KDR: variants seen among roughly 807,000 people sequenced by gnomAD.
KDR encodes kinase insert domain receptor.
A neutral mutation model predicts 160.9 loss-of-function variants in KDR; 43 were observed. That is an observed-to-expected ratio of 0.27 (90% CI 0.21 to 0.34). KDR has a LOEUF of 0.34. Among genes scored for constraint, KDR ranks in the 10% least tolerant of loss-of-function variants. KDR has a pLI of 1.00. For missense variants in KDR, 1,469 were observed against 1,666.4 expected, an observed-to-expected ratio of 0.88 and a Z score of 2.06; for synonymous variants, 617 against 600.1, an observed-to-expected ratio of 1.03 and a Z score of -0.41.
chr4:55,096,546 G>C, intron 18 of KDR: 1 of 579,626 alleles, frequency 1.7e-6, no homozygotes, highest in Non-Finnish European at 3.1e-6. Context: ...TTTTAAGTGA[G>C]CCAGAAAGTT....
chr4:55,089,570 A>ATTT, intron 24 of KDR, 97 bp from the exon 25 acceptor site: 9 of 1,211,410 alleles, frequency 7.4e-6, no homozygotes, highest in East Asian at 2.5e-5. Context: ...CTATGTATCT[A>ATTT]TTTTTTTTTT....
intron 28 of KDR, among the ~76,000 whole-genome samples, 156 bp downstream of exon 28, chr4:55,082,380 A>C (rs1719756589): frequency 5.3e-5 from 8 of 152,208 alleles, no homozygotes; most frequent in Non-Finnish European, 1.5e-5. Flanking sequence ...TTATGAAAAA[A>C]ACAAAGTTCC....
chr4:55,097,753 G>A lies in KDR; in HGVS notation c.2523C>T (p.Gly841=), dbSNP rs749024047. ...CAATCACTTGGCCAAAGGCACCACGGCCAAGAGGCTTACCTAGAGTCAACA... is the reference window on the plus strand; with the variant it reads ...CAATCACTTGGCCAAAGGCACCACGACCAAGAGGCTTACCTAGAGTCAACA... ...RDRLKLGKPL[G]RGAFGQVIEA... is the part of the protein sequence containing the mutation. Residue 841 remains glycine (G), a synonymous_variant, in exon 18 of 30, where the codon GGC becomes GGT. Transcript: ENST00000263923. 1.2e-6 allele frequency: 2 copies of A among 1,612,048 alleles called. No individual in the cohort carries two copies. Among genetic ancestry groups the A allele is most frequent in the South Asian group, 2.2e-5 (2 of 90,986 alleles).
At chr4:55,102,072 GT>G (rs776394466) in intron 14 of KDR, 44 bp from the exon 15 acceptor site, 2 of 1,612,528 alleles carry the variant, frequency 1.2e-6, no homozygotes, top group Non-Finnish European at 8.5e-7. Context: ...TGATGATGTA[GT>G]CTGTGAAGTT....
intron 27 of KDR, among the ~76,000 whole-genome samples, chr4:55,085,895 T>C (rs1480894510): frequency 6.6e-6 from 1 of 152,214 alleles, no homozygotes; most frequent in East Asian, 1.9e-4. Context: ...ACATGATTTC[T>C]TCTCCTGCTC....
intron 29 of KDR, 28 bp from the exon 30 acceptor site, chr4:55,080,191 T>G (rs765220663): frequency 1.9e-6 from 3 of 1,600,152 alleles, no homozygotes; most frequent in Non-Finnish European, 1.7e-6. Context: ...AACAAAGGAG[T>G]TGGCAGAGAG....
At chr4:55,086,634 T>G (rs1719872504) in intron 27 of KDR, among the ~76,000 whole-genome samples, 1 of 152,266 alleles carries the variant, frequency 6.6e-6, no homozygotes, top group African/African-American at 2.4e-5. Flanking sequence ...TTGACTTCAA[T>G]GGAACGGTCA....
rs779652851 is a variant in KDR at position 55,114,903 on chromosome 4, T to C, written c.629A>G (p.Gln210Arg). ...CEAKINDESY[Q>R]SIMYIVVVVG... is the part of the protein sequence containing the mutation. ...AACGACAACTATGTACATAATAGAC[T>C]GGTAACTTTCATCATTAATTTTTGC... The change falls in exon 5 of 30, where the codon CAG (glutamine) becomes CGG (arginine). Residue 210 changes from glutamine (Q) to arginine (R), a missense_variant. Gln to Arg is a conservative substitution (Grantham distance 43). This residue lies in a region of KDR where 792 missense variants were observed against 840.9 expected (regional missense o/e 0.94). Transcript: ENST00000263923. The C allele has an allele frequency of 6.2e-7, 1 of 1,613,832 alleles. No homozygotes were observed. The highest frequency in any genetic ancestry group is 8.5e-7 in the Non-Finnish European group (1 of 1,179,750).
At position 55,110,515 on chromosome 4, in the gene KDR, A is replaced by G; in HGVS notation, c.1143T>C (p.His381=). The change falls in exon 9 of 30, where the codon CAT becomes CAC. Residue 381 remains histidine, a synonymous_variant. Transcript: ENST00000263923. The part of the protein sequence containing the change: ...LESNHTIKAG[H]VLTIMEVSER... ...CACTCACTTCCATAATCGTCAGTACATGCCCCGCTTTAATTGTGTGATTGG... is the reference window on the plus strand; with the variant it reads ...CACTCACTTCCATAATCGTCAGTACGTGCCCCGCTTTAATTGTGTGATTGG... 1 of 1,614,020 alleles carries G rather than the reference A, an allele frequency of 6.2e-7. No homozygotes were observed. The highest frequency in any genetic ancestry group is 8.5e-7 in the Non-Finnish European group (1 of 1,179,946).
rs534876544 is a variant in KDR at position 55,092,436 on chromosome 4, A to G, written c.3069+181T>C. 8.2e-5 allele frequency: 52 copies of G among 631,970 alleles called. No homozygotes were observed. The South Asian group carries it at 9.0e-4, about 11-fold the overall frequency. The allele number at this position is 631,970 out of a possible 1,614,324, so 39.1% of individuals were successfully genotyped here. On this transcript the variant is annotated intron_variant, in intron 22 of 29. Coordinates refer to ENST00000263923, the MANE Select transcript of KDR (RefSeq NM_002253.4). The stretch of plus-strand genomic sequence containing the variant: ...AGCCTTTATTATACAGCTTAATTTC[A>G]TGAACTCCTTAACCACTCTTACTCA...
chr4:55,097,063 G>C lies in KDR; in HGVS notation c.2614+599C>G, dbSNP rs111429972. On this transcript the variant is annotated intron_variant, in intron 18 of 29. Coordinates refer to ENST00000263923, the MANE Select transcript of KDR (RefSeq NM_002253.4). The stretch of plus-strand genomic sequence containing the variant: ...TCATCAATGAAAGAACATCACAATT[G>C]AAGAAAGAAGCTTTACTGTCTAACC... 3.7e-3 allele frequency among the ~76,000 whole-genome samples: 563 copies of C among 152,296 alleles called. 3 individuals carry two copies. The highest frequency in any genetic ancestry group is 0.013 in the African/African-American group (536 of 41,558).
chr4:55,100,659 T>A (rs574009171), intron 15 of KDR, among the ~76,000 whole-genome samples: 1 of 152,356 alleles, frequency 6.6e-6, no homozygotes, highest in East Asian at 1.9e-4. Flanking sequence ...AATCTTTATT[T>A]GCAAGTGTAG....
chr4:55,098,554 T>C (rs1720220730), intron 16 of KDR, 143 bp downstream of exon 16: 2 of 749,920 alleles, frequency 2.7e-6, no homozygotes, highest in Admixed American at 4.3e-5. Context: ...CAAAAGAAAG[T>C]GGGCAGGAAC....
At position 55,121,141 on chromosome 4, in the gene KDR, G is replaced by A; in HGVS notation, c.117C>T (p.Asp39=). 1 of 1,613,688 alleles carries A rather than the reference G, an allele frequency of 6.2e-7. No individual in the cohort carries two copies. Among genetic ancestry groups the A allele is most frequent in the Non-Finnish European group, 8.5e-7 (1 of 1,179,680 alleles). ...TTGTATTAGCCTTAATTGTAAGTATGTCTTTTTGTATGCTGAGCCTGGGCA... is the reference window on the plus strand; with the variant it reads ...TTGTATTAGCCTTAATTGTAAGTATATCTTTTTGTATGCTGAGCCTGGGCA... The part of the protein sequence containing the change: ...LDLPRLSIQK[D]ILTIKANTTL... The change falls in exon 2 of 30, where the codon GAC becomes GAT. Residue 39 remains aspartate (D), a synonymous_variant. Coordinates refer to ENST00000263923, the MANE Select transcript of KDR (RefSeq NM_002253.4).
chr4:55,082,626 C>T lies in KDR; in HGVS notation c.3672G>A (p.Leu1224=), dbSNP rs2110005986. The T allele has an allele frequency of 6.2e-7, 1 of 1,612,994 alleles. No individual in the cohort carries two copies. Among genetic ancestry groups the T allele is most frequent in the Non-Finnish European group, 8.5e-7 (1 of 1,179,068 alleles). Residue 1224 remains leucine (L), a synonymous_variant, in exon 28 of 30, where the codon CTG becomes CTA. Transcript: ENST00000263923. ...YDNTAGISQY[L]QNSKRKSRPV... ...GCCGGCTCTTTCGCTTACTGTTCTG[C>T]AGATACTGACTGCAAAAGAACAAAT...
Position 55,081,987 on chromosome 4 carries a change from C to G in KDR, c.3817G>C (p.Glu1273Gln), listed in dbSNP as rs762771653. Residue 1273 changes from glutamate (E) to glutamine (Q), a missense_variant, in exon 29 of 30, where the codon GAA becomes CAA. Glu to Gln is a conservative substitution (Grantham distance 29). Around this residue, in one of 7 missense-constraint regions of KDR, gnomAD observed 229 missense variants for 197.8 expected, o/e 1.16. Coordinates refer to ENST00000263923, the MANE Select transcript of KDR (RefSeq NM_002253.4). ...VLASEELKTLEDRTKLSPSFG... is the reference protein window; with the variant it reads ...VLASEELKTLQDRTKLSPSFG... Reference sequence around the variant, plus strand: ...GATGGAGATAATTTGGTTCTGTCTTCCAAAGTTTTCAGCTCTTCTGAGGCA... The same window carrying G: ...GATGGAGATAATTTGGTTCTGTCTTGCAAAGTTTTCAGCTCTTCTGAGGCA... 4 of 1,613,898 alleles carry G rather than the reference C, an allele frequency of 2.5e-6. No individual in the cohort carries two copies. Among genetic ancestry groups the G allele is most frequent in the Admixed American group, 1.7e-5 (1 of 60,018 alleles).
At chr4:55,111,210 G>A (rs542628767) in intron 7 of KDR, among the ~76,000 whole-genome samples, 35 of 152,110 alleles carry the variant, frequency 2.3e-4, no homozygotes, top group Admixed American at 1.4e-3. Flanking sequence ...TATCATTCAC[G>A]TACCTCCTAA....
At chr4:55,087,782 T>C (rs1167303023) in intron 26 of KDR, 24 bp from the exon 27 acceptor site, 1 of 1,613,100 alleles carries the variant, frequency 6.2e-7, no homozygotes, top group Non-Finnish European at 8.5e-7. Context: ...CACAGAAGAC[T>C]GTTGTTATGG....
intron 2 of KDR, among the ~76,000 whole-genome samples, chr4:55,119,649 A>G (rs1036154792): frequency 6.6e-6 from 1 of 152,188 alleles, no homozygotes; most frequent in Non-Finnish European, 1.5e-5. Flanking sequence ...GAGCAGGTGC[A>G]TATCTGGAGT....
Sources: allele counts gnomAD v4.1 joint callset (sites outside exome capture counted in the v4.1 genomes callset), GRCh38; gene constraint gnomAD v4.1.1; regional missense constraint gnomAD v4.1.1; transcripts MANE v1.5; gene names NCBI Gene and HGNC (gene_info 2026-07-23, HGNC 2026-07-21).